The following ISM1 variants were observed in gnomAD, a reference collection of about 807,000 sequenced individuals.
ISM1 encodes the protein isthmin-1.
A neutral mutation model predicts 46.3 loss-of-function variants in ISM1; 25 were observed. The ratio of observed to expected loss-of-function variants is 0.54; its 90% CI spans 0.39 to 0.75. The LOEUF is 0.75. Among genes scored for constraint, ISM1 ranks in the 30% least tolerant of loss-of-function variants. The pLI is 0.00. For synonymous variants in ISM1, 255 were observed against 256.7 expected (o/e 0.99, Z 0.06); for missense variants, 536 against 625.4 (o/e 0.86, Z 1.52).
In ISM1 at chr20:13,270,572, G is replaced by A. The variant is rs1163534081; in HGVS notation, c.207G>A (p.Arg69=). 6.2e-7 allele frequency: 1 copy of A among 1,613,926 alleles called. No individual in the cohort carries two copies. The highest frequency in any genetic ancestry group is 8.5e-7 in the Non-Finnish European group (1 of 1,179,856). Residue 69 remains arginine (R), a synonymous_variant, in exon 2 of 6, where the codon AGG becomes AGA. Transcript: ENST00000262487. The part of the protein sequence containing the change: ...TSFSLSKEAP[R]EHLDHQAAHQ... ...TTTCTCTCTCCAAAGAAGCACCAAG[G>A]GAGCATCTGGACCACCAGGCTGCAC...
intron 1 of ISM1, among the ~76,000 whole-genome samples, chr20:13,253,016 C>G (rs571729188): frequency 1.3e-5 from 2 of 152,314 alleles, no homozygotes; most frequent in East Asian, 1.9e-4. Flanking sequence ...CTGGAACCAA[C>G]CTGTCCTTCC....
At chr20:13,256,256 C>G (rs6074575) in intron 1 of ISM1, among the ~76,000 whole-genome samples, 1 of 151,820 alleles carries the variant, frequency 6.6e-6, no homozygotes, top group African/African-American at 2.4e-5. Flanking sequence ...ATTAGCCAGG[C>G]GTGGTGGCGG....
intron 1 of ISM1, among the ~76,000 whole-genome samples, chr20:13,234,612 A>G (rs992760945): frequency 6.6e-6 from 1 of 152,210 alleles, no homozygotes; most frequent in Non-Finnish European, 1.5e-5. Flanking sequence ...CCTCGCCAAC[A>G]TATGTTGCTT....
At chr20:13,273,213 C>CTTTTT (rs1366184227) in intron 2 of ISM1, among the ~76,000 whole-genome samples, 1 of 42,724 alleles carries the variant, frequency 2.3e-5, no homozygotes, top group African/African-American at 2.4e-4. Flanking sequence ...TCACTTGGGT[C>CTTTTT]TTTTTTATTT....
At position 13,278,721 on chromosome 20, in the gene ISM1, T is replaced by C. The variant is rs139107534; in HGVS notation, c.379-913T>C. Among the ~76,000 whole-genome samples the C allele has an allele frequency of 2.4e-3, 371 of 152,320 alleles. 1 individual carries two copies. Among genetic ancestry groups the C allele is most frequent in the Non-Finnish European group, 3.6e-3 (247 of 68,018 alleles). ...CCACGGGATTGCTGTGGGTCAGGAA[T>C]TTGACTGGGACTCAGCTGGGAGAGC... On this transcript the variant is annotated intron_variant, in intron 2 of 5. Transcript: ENST00000262487.
intron 1 of ISM1, among the ~76,000 whole-genome samples, chr20:13,248,368 G>C (rs80032646): frequency 0.013 from 1,932 of 152,188 alleles, 50 homozygotes; most frequent in African/African-American, 0.042. Flanking sequence ...TGGAAAATTT[G>C]ATATTCTTTT....
chr20:13,274,057 A>C (rs1046274824), intron 2 of ISM1, among the ~76,000 whole-genome samples: 6 of 64,134 alleles, frequency 9.4e-5, no homozygotes, highest in African/African-American at 5.2e-4. Context: ...GTTGGCGTGT[A>C]ATTGTGTGTG....
At chr20:13,247,920 C>A (rs777014469) in intron 1 of ISM1, among the ~76,000 whole-genome samples, 3 of 152,148 alleles carry the variant, frequency 2.0e-5, no homozygotes, top group Admixed American at 6.5e-5. Flanking sequence ...GACATTCATG[C>A]AACAGGAGTG....
At chr20:13,222,487 C>T (rs1389896734) in intron 1 of ISM1, among the ~76,000 whole-genome samples, 1 of 152,058 alleles carries the variant, frequency 6.6e-6, no homozygotes, top group Non-Finnish European at 1.5e-5. Context: ...GGAGCCTCGC[C>T]TGAGGTTCCC....
intron 2 of ISM1, among the ~76,000 whole-genome samples, chr20:13,278,754 TG>T (rs1370318830): frequency 6.6e-6 from 1 of 152,228 alleles, no homozygotes; most frequent in Non-Finnish European, 1.5e-5. Flanking sequence ...AGCTTGTCTC[TG>T]CTCCATGTGA....
At chr20:13,240,112 A>T (rs1008098843) in intron 1 of ISM1, among the ~76,000 whole-genome samples, 1 of 152,254 alleles carries the variant, frequency 6.6e-6, no homozygotes, top group African/African-American at 2.4e-5. Flanking sequence ...AGCATTGAGC[A>T]CTGCCCAGCC....
At chr20:13,293,485 A>G (rs2040375615) in intron 5 of ISM1, among the ~76,000 whole-genome samples, 1 of 151,902 alleles carries the variant, frequency 6.6e-6, no homozygotes, top group Admixed American at 6.6e-5. Context: ...CCTCAGTCAA[A>G]ATTTAGCAGT....
chr20:13,228,205 T>G (rs548300174), intron 1 of ISM1, among the ~76,000 whole-genome samples: 1 of 151,898 alleles, frequency 6.6e-6, no homozygotes, highest in East Asian at 2.0e-4. Context: ...ACTCTTCATC[T>G]CAGGTGATCT....
chr20:13,283,917 G>T (rs1267564196), intron 3 of ISM1, among the ~76,000 whole-genome samples: 1 of 152,098 alleles, frequency 6.6e-6, no homozygotes, highest in Non-Finnish European at 1.5e-5. Context: ...GTATCTTAAA[G>T]CCAGAGCAAC....
Position 13,247,350 on chromosome 20 carries a change from T to C in ISM1, c.139-23154T>C, listed in dbSNP as rs545652504. Among the ~76,000 whole-genome samples, 24 of 152,288 alleles carry C rather than the reference T, an allele frequency of 1.6e-4. No individual in the cohort carries two copies. In the South Asian group the frequency reaches 4.8e-3, roughly 30 times the overall value. ...AAACACAGCATCAGGAAATGTTGTG[T>C]CTTTAAGTGTCAGCGTGTCCCTTCC... On this transcript the variant is annotated intron_variant, in intron 1 of 5. Transcript: ENST00000262487.
intron 3 of ISM1, among the ~76,000 whole-genome samples, chr20:13,281,264 T>C (rs184781602): frequency 1.3e-5 from 2 of 152,160 alleles, no homozygotes; most frequent in Admixed American, 1.3e-4. Context: ...CAGAGCAAAA[T>C]AGTGCCATGG....
chr20:13,234,177 C>T (rs2039622019), intron 1 of ISM1, among the ~76,000 whole-genome samples: 1 of 152,056 alleles, frequency 6.6e-6, no homozygotes, highest in African/African-American at 2.4e-5. Context: ...CCGTGTATGC[C>T]CATTGTTTAG....
At chr20:13,294,990 A>C (rs994879485) in intron 5 of ISM1, among the ~76,000 whole-genome samples, 8 of 152,078 alleles carry the variant, frequency 5.3e-5, no homozygotes, top group Admixed American at 2.6e-4. Flanking sequence ...CTGAGTTCAT[A>C]AGACATGCCC....
downstream of ISM1, among the ~76,000 whole-genome samples, chr20:13,302,196 T>G (rs1174523410): frequency 6.6e-6 from 1 of 152,182 alleles, no homozygotes; most frequent in South Asian, 2.1e-4. Context: ...ATGTGAGCCA[T>G]GCTGTCCATG....
Sources: allele counts gnomAD v4.1 joint callset (sites outside exome capture counted in the v4.1 genomes callset), GRCh38; gene constraint gnomAD v4.1.1; transcripts MANE v1.5; gene names NCBI Gene and HGNC (gene_info 2026-07-23, HGNC 2026-07-21).